The following FREM3 variants were observed in gnomAD, a reference collection of about 807,000 sequenced individuals.
The protein encoded by FREM3 is FRAS1-related extracellular matrix protein 3.
In FREM3, 105 loss-of-function variants were observed where a neutral mutation model predicts 129.1. The ratio of observed to expected loss-of-function variants is 0.81; its 90% CI spans 0.69 to 0.96. The LOEUF (loss-of-function observed/expected upper bound fraction) is 0.96. FREM3 is among the 40% of genes least tolerant of loss of function. The probability of loss-of-function intolerance (pLI) is 0.00; values close to 1 mark genes in which losing one functional copy is unlikely to be tolerated. For synonymous variants in FREM3, 1,014 were observed against 1,044.9 expected (o/e 0.97, Z 0.57); for missense variants, 2,593 against 2,666.3 (o/e 0.97, Z 0.61).
Position 143,699,115 on chromosome 4 carries a change from T to C in FREM3, c.1561A>G (p.Met521Val). Residue 521 changes from methionine (M) to valine (V), a missense_variant, in exon 1 of 8, where the codon ATG becomes GTG. Coordinates refer to ENST00000329798, the MANE Select transcript of FREM3 (RefSeq NM_001168235.2). The surrounding 1 kb of genome is among the most constrained non-coding windows in gnomAD (Gnocchi z 4.2). ...TCCACTTGGTGGTGCCCGTCCTCCATCCGGAAGATGATATTGTCACTGTAG... is the reference window on the plus strand; with the variant it reads ...TCCACTTGGTGGTGCCCGTCCTCCACCCGGAAGATGATATTGTCACTGTAG... ...NTYSDNIIFR[M>V]EDGHHQVDFL... 3.9e-6 allele frequency: 6 copies of C among 1,537,400 alleles called. No individual in the cohort carries two copies. The highest frequency in any genetic ancestry group is 1.4e-5 in the African/African-American group (1 of 73,102).
intron 5 of FREM3, among the ~76,000 whole-genome samples, chr4:143,615,527 G>A (rs1005015016): frequency 5.9e-5 from 9 of 152,042 alleles, no homozygotes; most frequent in Non-Finnish European, 1.0e-4. Flanking sequence ...GCAAAGGCTC[G>A]GCTGGAGCAG....
rs957351318 is a variant in FREM3 at position 143,698,199 on chromosome 4, T to C, written c.2477A>G (p.Asp826Gly). ...GTTGGTGACTTCTGGGGGCTGGTTG[T>C]CCACAGGTTGCAGGAATAATGTGAA... ...GTFTLFLQPV[D>G]NQPPEVTNRG... Residue 826 changes from aspartate to glycine, a missense_variant, in exon 1 of 8, where the codon GAC becomes GGC. Asp to Gly is a moderately conservative substitution (Grantham distance 94). Coordinates refer to ENST00000329798, the MANE Select transcript of FREM3 (RefSeq NM_001168235.2). 6 of 1,537,468 alleles carry C rather than the reference T, an allele frequency of 3.9e-6. No homozygotes were observed. Among genetic ancestry groups the C allele is most frequent in the Non-Finnish European group, 5.2e-6 (6 of 1,146,954 alleles).
At chr4:143,602,601 A>T (rs1738591881) in intron 6 of FREM3, among the ~76,000 whole-genome samples, 1 of 151,672 alleles carries the variant, frequency 6.6e-6, no homozygotes, top group African/African-American at 2.4e-5. Context: ...AATATCATTA[A>T]CTCTGACAGG....
intron 2 of FREM3, among the ~76,000 whole-genome samples, chr4:143,642,755 G>A (rs1205966427): frequency 6.6e-6 from 1 of 152,078 alleles, no homozygotes; most frequent in Non-Finnish European, 1.5e-5. Context: ...GACCTTAAAA[G>A]CACAGGCAAT....
In FREM3 at chr4:143,586,746, A is replaced by G. The variant is rs554434289; in HGVS notation, c.6029-753T>C. Among the ~76,000 whole-genome samples, 64 of 152,302 alleles carry G rather than the reference A, an allele frequency of 4.2e-4. No homozygotes were observed. The Middle Eastern group carries it at 0.014, about 32-fold the overall frequency. ...TTCGCTCTTGTTCTAAAAGGTAGCT[A>G]TGAACTTAGGTGATTATTTAAAGCA... On this transcript the variant is annotated intron_variant, in intron 6 of 7. Coordinates refer to ENST00000329798, the MANE Select transcript of FREM3 (RefSeq NM_001168235.2).
chr4:143,597,756 T>C (rs1278309208), intron 6 of FREM3, among the ~76,000 whole-genome samples: 1 of 152,066 alleles, frequency 6.6e-6, no homozygotes, highest in Non-Finnish European at 1.5e-5. Context: ...TACAAAACAT[T>C]GATAAAAAAA....
rs947608123 is a variant in FREM3, at chr4:143,699,007, C to G, written c.1669G>C (p.Gly557Arg). The G allele has an allele frequency of 5.9e-6, 9 of 1,537,184 alleles. No individual in the cohort carries two copies. The highest frequency in any genetic ancestry group is 1.4e-5 in the African/African-American group (1 of 73,032). ...AAGGGAGAGATCTGGACCACCTGCC[C>G]TTCAGTGAGTGAGAGTCCTGTGTTA... ...NTNTGLSLTEGQVVQISPFVL... is the reference protein window; with the variant it reads ...NTNTGLSLTERQVVQISPFVL... Residue 557 changes from glycine to arginine, a missense_variant, in exon 1 of 8, where the codon GGG becomes CGG. Gly to Arg is a moderately radical substitution (Grantham distance 125). Coordinates refer to ENST00000329798, the MANE Select transcript of FREM3 (RefSeq NM_001168235.2). This position sits in a 1 kb window ranked among gnomAD's most constrained non-coding sequence, Gnocchi z 4.2.
chr4:143,616,800 A>C, intron 5 of FREM3, among the ~76,000 whole-genome samples: 1 of 152,236 alleles, frequency 6.6e-6, no homozygotes, highest in Middle Eastern at 3.4e-3. Context: ...CTCAAAAAAA[A>C]AAAGGAAGAA....
Position 143,611,442 on chromosome 4 carries a change from A to G in FREM3, c.5865T>C (p.Phe1955=). Residue 1955 remains phenylalanine, a synonymous_variant, in exon 6 of 8, where the codon TTT becomes TTC. Coordinates refer to ENST00000329798, the MANE Select transcript of FREM3 (RefSeq NM_001168235.2). ...AGGTCTTCTGTGTCTCATTCTTGTC[A>G]AAGTGGAGGATGCTGGTGTGGTCTT... ...RPEDHTSILH[F]DKNETQKTCQ... 1 of 1,537,212 alleles carries G rather than the reference A, an allele frequency of 6.5e-7. No individual in the cohort carries two copies. The highest frequency in any genetic ancestry group is 8.7e-7 in the Non-Finnish European group (1 of 1,146,858).
chr4:143,584,147 C>T (rs904446867), intron 7 of FREM3, among the ~76,000 whole-genome samples: 6 of 152,174 alleles, frequency 3.9e-5, no homozygotes, highest in Admixed American at 6.5e-5. Flanking sequence ...CGGTGGCTCA[C>T]GCCTGTAATC....
intron 2 of FREM3, among the ~76,000 whole-genome samples, chr4:143,682,537 G>C (rs553017990): frequency 2.0e-5 from 3 of 152,068 alleles, no homozygotes; most frequent in Non-Finnish European, 4.4e-5. Context: ...CCACTGCTTG[G>C]GTCTGCTCCC....
At chr4:143,635,761 G>T (rs1430280398) in intron 2 of FREM3, among the ~76,000 whole-genome samples, 2 of 152,182 alleles carry the variant, frequency 1.3e-5, no homozygotes, top group Non-Finnish European at 2.9e-5. Flanking sequence ...GAATTCAAAA[G>T]GTAGTCTTAG....
intron 4 of FREM3, among the ~76,000 whole-genome samples, chr4:143,623,005 G>A (rs557489854): frequency 1.3e-5 from 2 of 152,224 alleles, no homozygotes; most frequent in African/African-American, 4.8e-5. Context: ...AGGTGGTGGG[G>A]GCAGTGTTTT....
intron 6 of FREM3, among the ~76,000 whole-genome samples, chr4:143,597,670 C>T (rs933407063): frequency 1.3e-5 from 2 of 152,136 alleles, no homozygotes; most frequent in African/African-American, 4.8e-5. Context: ...CATTTACATT[C>T]AAATACTATC....
At chr4:143,584,933 G>T (rs757389617) in intron 7 of FREM3, among the ~76,000 whole-genome samples, 17 of 152,108 alleles carry the variant, frequency 1.1e-4, no homozygotes, top group Non-Finnish European at 1.8e-4. Context: ...CACACTCTCA[G>T]ATTATATAAC....
At chr4:143,641,349 A>G (rs1395489224) in intron 2 of FREM3, among the ~76,000 whole-genome samples, 4 of 152,200 alleles carry the variant, frequency 2.6e-5, no homozygotes, top group African/African-American at 9.7e-5. Flanking sequence ...AGGCATAAAA[A>G]TAAAGTTCTA....
chr4:143,675,843 A>T (rs968817488), intron 2 of FREM3, among the ~76,000 whole-genome samples: 2 of 152,212 alleles, frequency 1.3e-5, no homozygotes, highest in Non-Finnish European at 2.9e-5. Context: ...TAAACCAGGA[A>T]GAAGTTGAAT....
At chr4:143,599,374 A>G (rs1298323176) in intron 6 of FREM3, among the ~76,000 whole-genome samples, 4 of 152,074 alleles carry the variant, frequency 2.6e-5, no homozygotes, top group African/African-American at 9.7e-5. Context: ...TCTTGCCTTG[A>G]CTCAGTATGG....
At chr4:143,620,008 T>C (rs1316924523) in intron 5 of FREM3, among the ~76,000 whole-genome samples, 4 of 152,100 alleles carry the variant, frequency 2.6e-5, no homozygotes, top group Non-Finnish European at 4.4e-5. Context: ...GGCCATACCA[T>C]ACATAAAAAG....
Sources: allele counts gnomAD v4.1 joint callset (sites outside exome capture counted in the v4.1 genomes callset), GRCh38; gene constraint gnomAD v4.1.1; non-coding constraint Gnocchi (gnomAD v3.1); transcripts MANE v1.5; gene names NCBI Gene and HGNC (gene_info 2026-07-23, HGNC 2026-07-21).